Variants in NCOR1 observed in about 807,000 individuals in gnomAD.
NCOR1 encodes the protein nuclear receptor corepressor 1.
NCOR1 carries 63 observed loss-of-function variants against 288.1 expected under a neutral mutation model. The observed-to-expected ratio is 0.22, with a 90% CI of 0.18 to 0.27. The LOEUF (loss-of-function observed/expected upper bound fraction) is 0.27. NCOR1 is among the 10% of genes least tolerant of loss of function. The probability of loss-of-function intolerance (pLI) is 1.00; values close to 1 mark genes in which losing one functional copy is unlikely to be tolerated. For synonymous variants in NCOR1, 1,007 were observed against 1,065.9 expected (o/e 0.94, Z 1.08); for missense variants, 2,397 against 3,019.2 (o/e 0.79, Z 4.83).
intron 30 of NCOR1, 30 bp from the exon 31 acceptor site, chr17:16,070,555 A>G: frequency 7.5e-6 from 12 of 1,597,214 alleles, no homozygotes; most frequent in Non-Finnish European, 1.0e-5. Flanking sequence ...CATTACAGGT[A>G]GCAAAGTCAT....
intron 41 of NCOR1, 35 bp from the exon 42 acceptor site, chr17:16,047,128 G>C: frequency 6.3e-7 from 1 of 1,581,302 alleles, no homozygotes; most frequent in Non-Finnish European, 8.6e-7. Context: ...TTACAACCAC[G>C]TACTCCTAAT....
chr17:16,146,603 A>C, intron 9 of NCOR1, 55 bp from the exon 10 acceptor site: 2 of 1,426,768 alleles, frequency 1.4e-6, no homozygotes, highest in Non-Finnish European at 1.9e-6. Flanking sequence ...TGATTCTGAC[A>C]AACCTAATAC....
At chr17:16,152,069 T>A in intron 7 of NCOR1, 71 bp from the exon 8 acceptor site, 1 of 1,074,788 alleles carries the variant, frequency 9.3e-7, no homozygotes. Context: ...AGAAACATAA[T>A]TTTAATGTAA....
In NCOR1 at chr17:16,153,380, C is replaced by T. The variant is rs2153390842; in HGVS notation, c.748G>A (p.Ala250Thr). The T allele has an allele frequency of 1.3e-6, 2 of 1,596,838 alleles. No individual in the cohort carries two copies. Among genetic ancestry groups the T allele is most frequent in the Non-Finnish European group, 1.7e-6 (2 of 1,170,112 alleles). The change falls in exon 7 of 46, where the codon GCT becomes ACT. Residue 250 changes from alanine (A) to threonine (T), a missense_variant. This residue lies in a region of NCOR1 where 76 missense variants were observed against 102.2 expected (regional missense o/e 0.74). Transcript: ENST00000268712. The part of the protein sequence containing the change: ...YDENRKKAEE[A>T]HKIFEGLGPK... Reference sequence around the variant, plus strand: ...CCAAGACCTTCAAAAATTTTATGAGCTTCTTCTGCTTTTTTCTAGAGATAA... The same window carrying T: ...CCAAGACCTTCAAAAATTTTATGAGTTTCTTCTGCTTTTTTCTAGAGATAA...
intron 10 of NCOR1, 43 bp from the exon 11 acceptor site, chr17:16,143,739 T>C (rs1004073451): frequency 1.5e-6 from 2 of 1,350,036 alleles, no homozygotes; most frequent in South Asian, 1.3e-5. Flanking sequence ...AAAGACCTTA[T>C]ATAAAGACAT....
intron 23 of NCOR1, among the ~76,000 whole-genome samples, chr17:16,084,550 A>G (rs2063914167): frequency 6.6e-6 from 1 of 152,220 alleles, no homozygotes; most frequent in South Asian, 2.1e-4. Flanking sequence ...GAAGACTTAT[A>G]CTACATGATT....
rs538695396 is a variant in NCOR1 at position 16,049,181 on chromosome 17, T to C, written c.6393-193A>G. The C allele has an allele frequency of 2.3e-5, 10 of 441,856 alleles. No individual in the cohort carries two copies. In the South Asian group the frequency reaches 4.5e-4, roughly 20 times the overall value. The allele number at this position is 441,856 out of a possible 1,614,324, so 27.4% of individuals were successfully genotyped here. ...AACAAACAACAACAAAAAAAACCACTGTGTTACTGCCACTTGACCCATGCG... is the reference window on the plus strand; with the variant it reads ...AACAAACAACAACAAAAAAAACCACCGTGTTACTGCCACTTGACCCATGCG... On this transcript the variant is annotated intron_variant, in intron 40 of 45. Transcript: ENST00000268712.
At chr17:16,143,852 G>A (rs1232896829) in intron 10 of NCOR1, among the ~76,000 whole-genome samples, 156 bp from the exon 11 acceptor site, 1 of 128,394 alleles carries the variant, frequency 7.8e-6, no homozygotes. Context: ...TAAGTAATAT[G>A]CTGTGTCACC....
At chr17:16,137,835 G>A (rs117982001) in intron 13 of NCOR1, 5,285 of 267,216 alleles carry the variant, frequency 0.02, 94 homozygotes, top group Non-Finnish European at 0.025. Flanking sequence ...TCTCTGCATC[G>A]TTCCAATTTT....
intron 21 of NCOR1, among the ~76,000 whole-genome samples, chr17:16,094,558 T>A (rs1382732523): frequency 6.8e-6 from 1 of 146,606 alleles, no homozygotes; most frequent in East Asian, 1.9e-4. Context: ...CCGGCTCCCC[T>A]CCCCTCTCCC....
intron 3 of NCOR1, among the ~76,000 whole-genome samples, chr17:16,184,306 C>T (rs144267824): frequency 2.6e-5 from 4 of 152,252 alleles, no homozygotes; most frequent in Non-Finnish European, 5.9e-5. Flanking sequence ...TATTTGTAAA[C>T]TATGCATCTG....
rs2061790605 is a variant in NCOR1, at chr17:16,071,787, A to C, written c.3896-122T>G. The C allele has an allele frequency of 6.7e-6, 6 of 891,054 alleles. No individual in the cohort carries two copies. In the South Asian group the frequency reaches 9.4e-5, roughly 14 times the overall value. 55.2% of individuals were successfully genotyped at this position (891,054 alleles called of 1,614,324 possible). ...TGTTACATATATTTTAACATAATTT[A>C]AAATAATGCCTTGACATCTTGTAGT... On this transcript the variant is annotated intron_variant, in intron 29 of 45. Coordinates refer to ENST00000268712, the MANE Select transcript of NCOR1 (RefSeq NM_006311.4).
At chr17:16,134,100 T>C (rs2076049698) in intron 14 of NCOR1, among the ~76,000 whole-genome samples, 1 of 152,214 alleles carries the variant, frequency 6.6e-6, no homozygotes, top group Non-Finnish European at 1.5e-5. Flanking sequence ...AAAACCCCAG[T>C]GGCTTCTTCT....
chr17:16,101,191 G>T, intron 20 of NCOR1, 59 bp downstream of exon 20: 1 of 1,505,480 alleles, frequency 6.6e-7, no homozygotes, highest in Non-Finnish European at 8.9e-7. Context: ...GCACCACCCT[G>T]TGATTCAGTC....
intron 37 of NCOR1, 49 bp from the exon 38 acceptor site, chr17:16,058,648 C>T: frequency 6.4e-7 from 1 of 1,552,560 alleles, no homozygotes; most frequent in Non-Finnish European, 8.8e-7. Flanking sequence ...GGAAAAGTTT[C>T]TGAAGTCTAA....
At position 16,040,484 on chromosome 17, in the gene NCOR1, C is replaced by G. The variant is rs781131251; in HGVS notation, c.6690G>C (p.Gln2230His). The G allele has an allele frequency of 2.5e-6, 4 of 1,613,436 alleles. No individual in the cohort carries two copies. The Admixed American group carries it at 6.7e-5, about 27-fold the overall frequency. Residue 2230 changes from glutamine to histidine, a missense_variant, in exon 43 of 46, where the codon CAG becomes CAC. Physicochemically the swap from Gln to His is conservative, Grantham distance 24. Coordinates refer to ENST00000268712, the MANE Select transcript of NCOR1 (RefSeq NM_006311.4). The stretch of plus-strand genomic sequence containing the variant: ...GCAGATTAAAGATCTCAGTTCCTGG[C>G]TGAGCAGCTGCTATATTTAAGCAAA... ...GGGDSDMAAA[Q>H]PGTEIFNLPA...
At chr17:16,055,729 C>G (rs1399844861) in intron 40 of NCOR1, among the ~76,000 whole-genome samples, 2 of 152,126 alleles carry the variant, frequency 1.3e-5, no homozygotes, top group Non-Finnish European at 2.9e-5. Flanking sequence ...TTTCTAACAC[C>G]ACAGATTGTG....
At chr17:16,155,427 C>A (rs1004734134) in intron 6 of NCOR1, among the ~76,000 whole-genome samples, 3 of 151,728 alleles carry the variant, frequency 2.0e-5, no homozygotes, top group Non-Finnish European at 4.4e-5. Flanking sequence ...TCTAGTAGAG[C>A]CCAACAATAA....
chr17:16,098,252 T>A, intron 21 of NCOR1, 115 bp downstream of exon 21: 1 of 1,004,926 alleles, frequency 1.0e-6, no homozygotes, highest in Admixed American at 2.5e-5. Flanking sequence ...TAATTTCATG[T>A]TATGTTTTGT....
Sources: gnomAD v4.1 joint callset for allele counts (sites outside exome capture counted in the v4.1 genomes callset) on GRCh38, gnomAD v4.1.1 for gene constraint, gnomAD v4.1.1 regional missense constraint, MANE v1.5 for transcripts, NCBI Gene and HGNC (gene_info 2026-07-23, HGNC 2026-07-21) for gene names.